The following SLC39A12 variants were observed in gnomAD, a reference collection of about 807,000 sequenced individuals.
The protein encoded by SLC39A12 is solute carrier family 39 member 12.
Under a neutral mutation model 71.1 loss-of-function variants are expected in SLC39A12, and 63 were observed. That is an observed-to-expected ratio of 0.89 (90% CI 0.72 to 1.09). The LOEUF is 1.09. SLC39A12 is among the 50% of genes least tolerant of loss of function. SLC39A12 has a pLI of 0.00. For missense variants in SLC39A12, 892 were observed against 812.6 expected (o/e 1.10, Z -1.19); for synonymous variants, 351 against 301.3 (o/e 1.16, Z -1.71).
intron 10 of SLC39A12, among the ~76,000 whole-genome samples, chr10:17,997,482 C>G (rs189961199): frequency 2.6e-5 from 4 of 152,232 alleles, no homozygotes; most frequent in African/African-American, 9.6e-5. Flanking sequence ...CATAGTAGGT[C>G]TGCAATAGAC....
intron 4 of SLC39A12, among the ~76,000 whole-genome samples, chr10:17,976,263 T>A (rs1301171369): frequency 6.6e-6 from 1 of 152,164 alleles, no homozygotes; most frequent in Non-Finnish European, 1.5e-5. Context: ...CTCCTCCAGT[T>A]TTTTTCTGTA....
intron 12 of SLC39A12, among the ~76,000 whole-genome samples, chr10:18,032,953 A>T (rs10443980): frequency 0.69 from 92,610 of 134,418 alleles, 32,380 homozygotes; most frequent in African/African-American, 0.72. Context: ...GGATTACATT[A>T]ATTGATTTGC....
At chr10:18,019,782 C>CTAT (rs1836482252) in intron 12 of SLC39A12, among the ~76,000 whole-genome samples, 1 of 151,880 alleles carries the variant, frequency 6.6e-6, no homozygotes, top group South Asian at 2.1e-4. Context: ...TGTATGACTT[C>CTAT]TATTATTTTA....
At position 18,043,082 on chromosome 10, in the gene SLC39A12, T is replaced by C. The variant is rs1012276062; in HGVS notation, c.*249T>C. 4.7e-6 allele frequency: 1 copy of C among 214,248 alleles called. No individual in the cohort carries two copies. The highest frequency in any genetic ancestry group is 9.1e-6 in the Non-Finnish European group (1 of 110,230). 13.3% of individuals were successfully genotyped at this position (214,248 alleles called of 1,614,324 possible). On this transcript the variant is annotated 3_prime_UTR_variant, in exon 13 of 13. Coordinates refer to ENST00000377369, the MANE Select transcript of SLC39A12 (RefSeq NM_001145195.2). Reference sequence around the variant, plus strand: ...GATGAAGCTCTTGCTTTTTAAAAAGTAGTTAGTAAATTCTGCATGAATTTT... The same window carrying C: ...GATGAAGCTCTTGCTTTTTAAAAAGCAGTTAGTAAATTCTGCATGAATTTT...
chr10:18,014,520 C>T (rs1053268944), intron 12 of SLC39A12, among the ~76,000 whole-genome samples: 3 of 152,104 alleles, frequency 2.0e-5, no homozygotes, highest in African/African-American at 7.2e-5. Context: ...AAGCCCTTTC[C>T]TCTTGTTTTG....
At chr10:17,979,436 C>G (rs1050389530) in intron 5 of SLC39A12, among the ~76,000 whole-genome samples, 1 of 152,190 alleles carries the variant, frequency 6.6e-6, no homozygotes, top group African/African-American at 2.4e-5. Flanking sequence ...TCTTGTTTCT[C>G]TCTCCATTCC....
At chr10:17,968,953 A>G (rs564866321) in intron 4 of SLC39A12, among the ~76,000 whole-genome samples, 1 of 152,122 alleles carries the variant, frequency 6.6e-6, no homozygotes, top group Non-Finnish European at 1.5e-5. Context: ...ACATTTCCCA[A>G]CCTCTGGAAA....
intron 12 of SLC39A12, among the ~76,000 whole-genome samples, chr10:18,026,114 G>GT (rs1352301989): frequency 2.0e-5 from 3 of 152,154 alleles, no homozygotes; most frequent in African/African-American, 7.2e-5. Context: ...AAAAATAAAG[G>GT]TTTTTATTTA....
intron 4 of SLC39A12, among the ~76,000 whole-genome samples, chr10:17,972,535 A>T (rs1419936803): frequency 6.6e-6 from 1 of 152,118 alleles, no homozygotes; most frequent in Admixed American, 6.5e-5. Context: ...GTGCATATAT[A>T]TTTAAAATTA....
chr10:18,017,789 T>C (rs1836426742), intron 12 of SLC39A12, among the ~76,000 whole-genome samples: 1 of 152,248 alleles, frequency 6.6e-6, no homozygotes. Context: ...TGTAACATTA[T>C]AGTAAGTCTT....
At chr10:17,987,435 A>T (rs747968029) in intron 6 of SLC39A12, 44 bp from the exon 7 acceptor site, 2 of 1,593,992 alleles carry the variant, frequency 1.3e-6, no homozygotes, top group African/African-American at 2.7e-5. Context: ...GCCGGAATGG[A>T]GGGCACTGGG....
At chr10:17,980,989 G>A (rs1835240205) in intron 5 of SLC39A12, among the ~76,000 whole-genome samples, 2 of 151,970 alleles carry the variant, frequency 1.3e-5, no homozygotes, top group Admixed American at 1.3e-4. Flanking sequence ...AAAAACATCA[G>A]GACATCCTAA....
At chr10:18,033,796 A>C (rs1422506946) in intron 12 of SLC39A12, among the ~76,000 whole-genome samples, 1 of 149,860 alleles carries the variant, frequency 6.7e-6, no homozygotes, top group Admixed American at 6.7e-5. Context: ...TTAGTGCTAT[A>C]AATTTCCCTC....
rs561387692 is a variant in SLC39A12 at position 17,994,254 on chromosome 10, C to T, written c.1533+963C>T. ...GCATATAACCAAATCTCTGAAGGTA[C>T]CTTAGTGAGTCTTGAGCTATTTGAA... On this transcript the variant is annotated intron_variant, in intron 9 of 12. Transcript: ENST00000377369. 2.6e-5 allele frequency among the ~76,000 whole-genome samples: 4 copies of T among 152,240 alleles called. No individual in the cohort carries two copies. The South Asian group carries it at 8.3e-4, about 32-fold the overall frequency.
chr10:17,969,972 G>A (rs137862140), intron 4 of SLC39A12, among the ~76,000 whole-genome samples: 2,060 of 152,296 alleles, frequency 0.014, 40 homozygotes, highest in African/African-American at 0.043. Context: ...TGTATATGAT[G>A]AGAGATGGGT....
rs747026938 is a variant in SLC39A12, at chr10:17,995,676, G to A, written c.1554G>A (p.Gln518=). The change falls in exon 10 of 13, where the codon CAG becomes CAA. Residue 518 remains glutamine (Q), a synonymous_variant. Transcript: ENST00000377369. ...AATAGAAAAGCCCAGAAGATTCACA[G>A]GCAGCTGAAATGCCTATAGGCAGTA... ...TIQLKSPEDS[Q]AAEMPIGSMT... 25 of 1,613,270 alleles carry A rather than the reference G, an allele frequency of 1.5e-5. No homozygotes were observed. The highest frequency in any genetic ancestry group is 3.3e-4 in the Middle Eastern group (2 of 6,078).
At position 17,961,571 on chromosome 10, in the gene SLC39A12, T is replaced by C; in HGVS notation, c.262-10T>C. On this transcript the variant is annotated splice_polypyrimidine_tract_variant and intron_variant, in intron 2 of 12. Transcript: ENST00000377369. Reference sequence around the variant, plus strand: ...GTTTCTTTTGTTGTTGTTATTGTTTTCTTCCACAGTGCTTTGAACCAGATG... The same window carrying C: ...GTTTCTTTTGTTGTTGTTATTGTTTCCTTCCACAGTGCTTTGAACCAGATG... The C allele has an allele frequency of 6.3e-7, 1 of 1,594,078 alleles. No individual in the cohort carries two copies. Among genetic ancestry groups the C allele is most frequent in the South Asian group, 1.2e-5 (1 of 86,846 alleles).
Position 17,957,212 on chromosome 10 carries a change from G to A in SLC39A12, c.261+3675G>A, listed in dbSNP as rs533059283. Among the ~76,000 whole-genome samples the A allele has an allele frequency of 5.3e-5, 8 of 152,240 alleles. No individual in the cohort carries two copies. In the South Asian group the frequency reaches 1.0e-3, roughly 20 times the overall value. On this transcript the variant is annotated intron_variant, in intron 2 of 12. Coordinates refer to ENST00000377369, the MANE Select transcript of SLC39A12 (RefSeq NM_001145195.2). The stretch of plus-strand genomic sequence containing the variant: ...TGTAGGAGAAGACAGCTACCAAGTT[G>A]TTTTTTGTCAGCTGAGGCTCTCACC...
intron 12 of SLC39A12, among the ~76,000 whole-genome samples, chr10:18,015,193 C>G (rs931812637): frequency 1.2e-4 from 18 of 150,724 alleles, no homozygotes; most frequent in African/African-American, 4.1e-4. Context: ...ACTGTATAAA[C>G]TTTTGGGTAC....
Sources: allele counts gnomAD v4.1 joint callset (sites outside exome capture counted in the v4.1 genomes callset), GRCh38; gene constraint gnomAD v4.1.1; transcripts MANE v1.5; gene names NCBI Gene and HGNC (gene_info 2026-07-23, HGNC 2026-07-21).